The following NARS2 variants were observed in gnomAD, a reference collection of about 807,000 sequenced individuals.
NARS2 encodes the protein asparaginyl-tRNA synthetase 2, mitochondrial, also known as asparaginyl-tRNA synthetase.
NARS2 carries 60 observed loss-of-function variants against 62.9 expected under a neutral mutation model. That is an observed-to-expected ratio of 0.95 (90% CI 0.77 to 1.18). NARS2 has a LOEUF of 1.18. Ranked by LOEUF, NARS2 falls within the 50% of genes most tolerant of loss-of-function variation. The probability of loss-of-function intolerance (pLI) is 0.00; values close to 1 mark genes in which losing one functional copy is unlikely to be tolerated. For synonymous variants in NARS2, 196 were observed against 200.0 expected, an observed-to-expected ratio of 0.98 and a Z score of 0.17; for missense variants, 619 against 576.4, an observed-to-expected ratio of 1.07 and a Z score of -0.76.
chr11:78,483,294 G>T (rs1859436066), intron 7 of NARS2, among the ~76,000 whole-genome samples: 1 of 152,090 alleles, frequency 6.6e-6, no homozygotes, highest in South Asian at 2.1e-4. Flanking sequence ...TACTGAATGG[G>T]CAAAGCTGGA....
chr11:78,451,624 G>A (rs1457522633), intron 11 of NARS2, among the ~76,000 whole-genome samples: 3 of 152,154 alleles, frequency 2.0e-5, no homozygotes, highest in Middle Eastern at 3.2e-3. Flanking sequence ...AATAAAGACA[G>A]GAGGAATTAA....
intron 7 of NARS2, among the ~76,000 whole-genome samples, chr11:78,491,411 T>C (rs1352274190): frequency 6.6e-6 from 1 of 152,216 alleles, no homozygotes; most frequent in African/African-American, 2.4e-5. Context: ...CAGGGCCAAG[T>C]GCCCTATATG....
intron 6 of NARS2, among the ~76,000 whole-genome samples, chr11:78,527,110 A>C (rs1028860333): frequency 2.0e-5 from 3 of 152,208 alleles, no homozygotes; most frequent in Non-Finnish European, 2.9e-5. Context: ...TACCAGGTAG[A>C]AGAGATAATC....
intron 12 of NARS2, among the ~76,000 whole-genome samples, chr11:78,442,123 C>A (rs1160718994): frequency 6.6e-6 from 1 of 152,108 alleles, no homozygotes; most frequent in Non-Finnish European, 1.5e-5. Context: ...TTTAATGTTA[C>A]GAGGAAAGGT....
At chr11:78,551,411 T>C (rs1027513155) in intron 5 of NARS2, among the ~76,000 whole-genome samples, 2 of 152,236 alleles carry the variant, frequency 1.3e-5, no homozygotes, top group South Asian at 4.1e-4. Context: ...ATGGAATTGG[T>C]ACAGTAAAAA....
At chr11:78,504,400 G>A (rs975739167) in intron 6 of NARS2, among the ~76,000 whole-genome samples, 12 of 146,222 alleles carry the variant, frequency 8.2e-5, no homozygotes, top group Admixed American at 4.8e-4. Flanking sequence ...CTGTTTATCC[G>A]TCCCTTACAC....
At chr11:78,437,462 C>A (rs1462919101) in intron 13 of NARS2, among the ~76,000 whole-genome samples, 1 of 152,180 alleles carries the variant, frequency 6.6e-6, no homozygotes, top group African/African-American at 2.4e-5. Context: ...TGCCCAGAGT[C>A]ATTTAGCTGA....
At position 78,548,286 on chromosome 11, in the gene NARS2, T is replaced by C. The variant is rs139519370; in HGVS notation, c.594+11253A>G. Among the ~76,000 whole-genome samples the C allele has an allele frequency of 1.2e-4, 19 of 152,264 alleles. No individual in the cohort carries two copies. In the East Asian group the frequency reaches 3.5e-3, roughly 28 times the overall value. On this transcript the variant is annotated intron_variant, in intron 5 of 13. Transcript: ENST00000281038. The stretch of plus-strand genomic sequence containing the variant: ...AACAGGAGTTGGAACAAGGGAGGTA[T>C]TAATATTAGCTAGAAAAAAGTTGTT...
At chr11:78,535,317 T>G (rs1013960080) in intron 5 of NARS2, among the ~76,000 whole-genome samples, 2 of 152,348 alleles carry the variant, frequency 1.3e-5, no homozygotes, top group Admixed American at 1.3e-4. Context: ...TTCATCTACT[T>G]TGATCCCATC....
intron 9 of NARS2, among the ~76,000 whole-genome samples, chr11:78,477,531 T>C (rs1379937603): frequency 6.6e-6 from 1 of 152,194 alleles, no homozygotes; most frequent in Admixed American, 6.5e-5. Flanking sequence ...ATAGGAGAAC[T>C]CTTGCCACCA....
chr11:78,450,302 A>G lies in NARS2; in HGVS notation c.1165-6544T>C, dbSNP rs116727729. ...TACTCTGGGAGATAAACGAATCAGT[A>G]TGGAAGAACTTACCAAAATAGGCTA... On this transcript the variant is annotated intron_variant, in intron 11 of 13. Transcript: ENST00000281038. 8.6e-3 allele frequency among the ~76,000 whole-genome samples: 1,314 copies of G among 152,362 alleles called. 28 individuals are homozygous for G. Among genetic ancestry groups the G allele is most frequent in the African/African-American group, 0.03 (1,263 of 41,586 alleles).
intron 9 of NARS2, among the ~76,000 whole-genome samples, chr11:78,473,973 C>G (rs548540130): frequency 6.6e-6 from 1 of 152,282 alleles, no homozygotes; most frequent in Middle Eastern, 3.4e-3. Flanking sequence ...TCCAGCTTCC[C>G]TACCCTACAC....
chr11:78,573,367 C>T (rs1430998041), intron 1 of NARS2: 2 of 152,302 alleles, frequency 1.3e-5, no homozygotes, highest in East Asian at 3.9e-4. Context: ...TGAGACTCAT[C>T]TTCACAAAAA....
intron 4 of NARS2, among the ~76,000 whole-genome samples, chr11:78,565,232 C>T (rs1200773872): frequency 2.0e-5 from 3 of 152,192 alleles, no homozygotes; most frequent in Non-Finnish European, 4.4e-5. Flanking sequence ...TTAGATAGAC[C>T]TACTTGATCA....
In NARS2 at chr11:78,569,523, T is replaced by C. The variant is rs901559579; in HGVS notation, c.252-771A>G. Among the ~76,000 whole-genome samples, 8 of 152,218 alleles carry C rather than the reference T, an allele frequency of 5.3e-5. No individual in the cohort carries two copies. The East Asian group carries it at 5.8e-4, about 11-fold the overall frequency. On this transcript the variant is annotated intron_variant, in intron 2 of 13. Transcript: ENST00000281038. ...CAATAAGTGCCTTCCTAATAAACTA[T>C]TGAAATATTGTAATATAGCAATACA...
chr11:78,467,558 TAAA>T (rs201900300), intron 10 of NARS2, among the ~76,000 whole-genome samples: 2,091 of 150,944 alleles, frequency 0.014, 26 homozygotes, highest in East Asian at 0.04. Context: ...AATAAATAAA[TAAA>T]TAAATAAATT....
chr11:78,492,803 A>G (rs1426971462), intron 7 of NARS2, among the ~76,000 whole-genome samples: 3 of 152,206 alleles, frequency 2.0e-5, no homozygotes, highest in Admixed American at 2.0e-4. Flanking sequence ...TTCTCATTTT[A>G]GAGTTGAGGA....
intron 5 of NARS2, among the ~76,000 whole-genome samples, chr11:78,554,720 G>C (rs1565280493): frequency 6.6e-6 from 1 of 152,194 alleles, no homozygotes; most frequent in Non-Finnish European, 1.5e-5. Context: ...TCTGCAAACA[G>C]ACATAGTTTG....
chr11:78,559,748 T>C (rs1353640103), intron 4 of NARS2, 129 bp from the exon 5 acceptor site: 6 of 603,112 alleles, frequency 9.9e-6, no homozygotes, highest in Non-Finnish European at 1.5e-5. Flanking sequence ...ATCCCCTAAA[T>C]ATTAAGACTA....
Sources: allele counts gnomAD v4.1 joint callset (sites outside exome capture counted in the v4.1 genomes callset), GRCh38; gene constraint gnomAD v4.1.1; transcripts MANE v1.5; gene names NCBI Gene and HGNC (gene_info 2026-07-23, HGNC 2026-07-21).